PTGIS: variants seen among roughly 807,000 people sequenced by gnomAD.
PTGIS encodes the protein prostacyclin synthase.
A neutral mutation model predicts 50.3 loss-of-function variants in PTGIS; 45 were observed. The ratio of observed to expected loss-of-function variants is 0.90; its 90% confidence interval spans 0.70 to 1.15. The LOEUF is 1.15. PTGIS is among the 50% of genes most tolerant of loss of function. PTGIS has a pLI of 0.00. For synonymous variants in PTGIS, 260 were observed against 267.7 expected (o/e 0.97, Z 0.28); for missense variants, 668 against 661.3 (o/e 1.01, Z -0.11).
rs765944003 is a variant in PTGIS at position 49,511,009 on chromosome 20, G to GCCCTGGCCCTT, written c.1358+18_1358+19insAAGGGCCAGGG. ...GGGGATCAGGAGCCACCCTGGCCCT[G>GCCCTGGCCCTT]CCCTGGCCCCCCACTCACTGTTTGA... On this transcript the variant is annotated intron_variant, in intron 9 of 9. Transcript: ENST00000244043. 2 of 1,610,798 alleles carry GCCCTGGCCCTT rather than the reference G, an allele frequency of 1.2e-6. No individual in the cohort carries two copies. Among genetic ancestry groups the GCCCTGGCCCTT allele is most frequent in the South Asian group, 2.2e-5 (2 of 90,962 alleles).
intron 1 of PTGIS, among the ~76,000 whole-genome samples, chr20:49,552,945 C>CAA (rs202061071): frequency 2.0e-5 from 3 of 151,588 alleles, no homozygotes; most frequent in African/African-American, 7.3e-5. Flanking sequence ...TGTTTCACTA[C>CAA]AAAAAAATAC....
In PTGIS at chr20:49,506,145, C is replaced by T. The variant is rs1215661694; in HGVS notation, c.*1775G>A. The T allele has an allele frequency of 6.6e-6, 1 of 152,616 alleles. No homozygotes were observed. Among genetic ancestry groups the T allele is most frequent in the Non-Finnish European group, 1.5e-5 (1 of 68,054 alleles). 9.5% of individuals were successfully genotyped at this position (152,616 alleles called of 1,614,324 possible). A position where few individuals can be genotyped will look rare whatever the true frequency, so the allele number is the denominator to read the frequency against. On this transcript the variant is annotated 3_prime_UTR_variant, in exon 10 of 10. Transcript: ENST00000244043. ...TAAATCTGCCTGCAGAGTTCTACAG[C>T]TTATGAGCTATGTGGCCCCAGGCAA...
At chr20:49,531,714 C>T (rs1191117347) in intron 5 of PTGIS, among the ~76,000 whole-genome samples, 1 of 152,140 alleles carries the variant, frequency 6.6e-6, no homozygotes. Context: ...GCACCCTCAA[C>T]CTCCTGGGCT....
At chr20:49,534,589 A>T (rs147037594) in intron 5 of PTGIS, among the ~76,000 whole-genome samples, 149 of 152,246 alleles carry the variant, frequency 9.8e-4, no homozygotes, top group African/African-American at 3.5e-3. Context: ...CAGTGCTAGG[A>T]TGTGGCAGGT....
chr20:49,554,770 A>C (rs1406153325), intron 1 of PTGIS, among the ~76,000 whole-genome samples: 2 of 152,206 alleles, frequency 1.3e-5, no homozygotes, highest in Non-Finnish European at 2.9e-5. Flanking sequence ...CCTGTGTCAG[A>C]TTAACAAGGT....
chr20:49,560,421 A>G (rs1056866129), intron 1 of PTGIS, among the ~76,000 whole-genome samples: 5 of 147,394 alleles, frequency 3.4e-5, no homozygotes, highest in Non-Finnish European at 7.5e-5. Context: ...GCCTAGGTTG[A>G]TCTTAACTCT....
At chr20:49,563,713 G>C (rs1182655431) in intron 1 of PTGIS, among the ~76,000 whole-genome samples, 1 of 152,230 alleles carries the variant, frequency 6.6e-6, no homozygotes, top group Non-Finnish European at 1.5e-5. Flanking sequence ...TCTGGTCAGT[G>C]CATGTTAGAA....
chr20:49,536,919 G>A (rs1982091563), intron 5 of PTGIS, among the ~76,000 whole-genome samples: 2 of 152,122 alleles, frequency 1.3e-5, no homozygotes, highest in African/African-American at 2.4e-5. Flanking sequence ...AGCTGGTAAA[G>A]CTCTTCAAGC....
chr20:49,556,694 T>C (rs1982627984), intron 1 of PTGIS, among the ~76,000 whole-genome samples: 1 of 152,226 alleles, frequency 6.6e-6, no homozygotes, highest in African/African-American at 2.4e-5. Context: ...TTTAATAAAA[T>C]TGGGGAATTG....
At position 49,507,178 on chromosome 20, in the gene PTGIS, G is replaced by T. The variant is rs1981176752; in HGVS notation, c.*742C>A. On this transcript the variant is annotated 3_prime_UTR_variant, in exon 10 of 10. Transcript: ENST00000244043. Reference sequence around the variant, plus strand: ...TCCTTCCAGCCATCTTGTCTGGGCTGTGTCTTCCTTAGCTCCCTACCTGAG... The same window carrying T: ...TCCTTCCAGCCATCTTGTCTGGGCTTTGTCTTCCTTAGCTCCCTACCTGAG... 1 of 155,886 alleles carries T rather than the reference G, an allele frequency of 6.4e-6. No homozygotes were observed. The highest frequency in any genetic ancestry group is 1.4e-5 in the Non-Finnish European group (1 of 70,524). 9.7% of individuals were successfully genotyped at this position (155,886 alleles called of 1,614,324 possible).
At chr20:49,547,722 C>T in intron 3 of PTGIS, 119 bp downstream of exon 3, 4 of 1,204,614 alleles carry the variant, frequency 3.3e-6, no homozygotes, top group Non-Finnish European at 4.9e-6. Flanking sequence ...TGTTTGTGTT[C>T]TCAAGACAAA....
intron 1 of PTGIS, among the ~76,000 whole-genome samples, chr20:49,552,496 A>T (rs1982534823): frequency 6.6e-6 from 1 of 152,064 alleles, no homozygotes; most frequent in South Asian, 2.1e-4. Context: ...TAACACACCC[A>T]GTCTCTCTCT....
At chr20:49,564,110 G>A (rs1185687836) in intron 1 of PTGIS, among the ~76,000 whole-genome samples, 2 of 152,206 alleles carry the variant, frequency 1.3e-5, no homozygotes, top group African/African-American at 4.8e-5. Context: ...GAAAATTCTT[G>A]CTGTAATTGC....
chr20:49,523,765 C>T (rs953905733), intron 6 of PTGIS, among the ~76,000 whole-genome samples: 3 of 151,886 alleles, frequency 2.0e-5, no homozygotes, highest in Non-Finnish European at 4.4e-5. Context: ...GGCAACAGAG[C>T]GAGACTCTGT....
rs578106630 is a variant in PTGIS, at chr20:49,540,298, C to T, written c.522-577G>A. On this transcript the variant is annotated intron_variant, in intron 4 of 9. Transcript: ENST00000244043. The surrounding 1 kb of genome is among the most constrained non-coding windows in gnomAD (Gnocchi z 4.8). Reference sequence around the variant, plus strand: ...CAGGGAGGGATTCAGGGAAGACTTCCTAGAGAAGGGAGGGTCTGAGCTGAG... The same window carrying T: ...CAGGGAGGGATTCAGGGAAGACTTCTTAGAGAAGGGAGGGTCTGAGCTGAG... Among the ~76,000 whole-genome samples the T allele has an allele frequency of 4.6e-5, 7 of 151,996 alleles. No individual in the cohort carries two copies. The highest frequency in any genetic ancestry group is 1.7e-4 in the African/African-American group (7 of 41,370).
intron 5 of PTGIS, among the ~76,000 whole-genome samples, chr20:49,539,231 G>A (rs1030447184): frequency 2.0e-5 from 3 of 152,040 alleles, no homozygotes; most frequent in Non-Finnish European, 2.9e-5. Flanking sequence ...TATTCTATAT[G>A]GCTTGAATTT....
At chr20:49,523,132 T>C (rs1490056597) in intron 6 of PTGIS, among the ~76,000 whole-genome samples, 3 of 152,234 alleles carry the variant, frequency 2.0e-5, no homozygotes, top group Admixed American at 6.5e-5. Flanking sequence ...AAGGACATTA[T>C]TGAGACAACT....
intron 5 of PTGIS, among the ~76,000 whole-genome samples, chr20:49,534,467 G>A (rs916695949): frequency 2.2e-4 from 33 of 152,088 alleles, no homozygotes; most frequent in Middle Eastern, 3.4e-3. Context: ...GCCAGCCCAG[G>A]GCTGCTCCCA....
At chr20:49,514,105 A>C (rs1220078960) in intron 7 of PTGIS, 122 bp downstream of exon 7, 1 of 1,193,764 alleles carries the variant, frequency 8.4e-7, no homozygotes, top group Non-Finnish European at 1.2e-6. Flanking sequence ...AGGCTTAGGG[A>C]GACCCTAGGT....
Sources: allele counts gnomAD v4.1 joint callset (sites outside exome capture counted in the v4.1 genomes callset), GRCh38; gene constraint gnomAD v4.1.1; non-coding constraint Gnocchi (gnomAD v3.1); transcripts MANE v1.5; gene names NCBI Gene and HGNC (gene_info 2026-07-23, HGNC 2026-07-21).